Variants in INTS10 observed in about 807,000 individuals in gnomAD.
INTS10 encodes the protein chromosome 8 open reading frame 35.
A neutral mutation model predicts 94.4 loss-of-function variants in INTS10; 44 were observed. The ratio of observed to expected loss-of-function variants is 0.47; its 90% confidence interval spans 0.37 to 0.60. The LOEUF is 0.60. INTS10 is among the 20% of genes least tolerant of loss of function. The pLI, the probability that INTS10 is intolerant of heterozygous loss-of-function variation, is 0.00. For missense variants in INTS10, 797 were observed against 868.7 expected (o/e 0.92, Z 1.04); for synonymous variants, 341 against 320.7 (o/e 1.06, Z -0.68).
At position 19,818,329 on chromosome 8, in the gene INTS10, C is replaced by T; in HGVS notation, c.184C>T (p.Leu62=). The change falls in exon 2 of 17, where the codon CTG becomes TTG. Residue 62 remains leucine, a synonymous_variant. Coordinates refer to ENST00000397977, the MANE Select transcript of INTS10 (RefSeq NM_018142.4). ...NAERTATAGR[L]LYDMFVNFPD... is the part of the protein sequence containing the mutation. ...AGAGCGGACCGCCACCGCCGGGAGG[C>T]TGCTGTACGACATGTGAGTGGGACG... The T allele has an allele frequency of 1.9e-6, 3 of 1,614,164 alleles. No homozygotes were observed. Among genetic ancestry groups the T allele is most frequent in the Non-Finnish European group, 2.5e-6 (3 of 1,180,008 alleles).
At chr8:19,826,204 C>T (rs918440188) in intron 8 of INTS10, among the ~76,000 whole-genome samples, 24 of 152,152 alleles carry the variant, frequency 1.6e-4, no homozygotes, top group Non-Finnish European at 2.9e-4. Flanking sequence ...CTCAGCCTCC[C>T]GAGTAGCCGG....
At chr8:19,831,036 A>G (rs1347636058) in intron 10 of INTS10, among the ~76,000 whole-genome samples, 1 of 152,174 alleles carries the variant, frequency 6.6e-6, no homozygotes, top group Non-Finnish European at 1.5e-5. Flanking sequence ...AAACTATAGG[A>G]AGCCTATTTT....
In INTS10 at chr8:19,838,965, G is replaced by A. The variant is rs547532367; in HGVS notation, c.1639+1805G>A. Reference sequence around the variant, plus strand: ...CAGGCACCTGTAATCCCAGCTACTCGGGAGGCTGAGGCAGGGGAATCGCTT... The same window carrying A: ...CAGGCACCTGTAATCCCAGCTACTCAGGAGGCTGAGGCAGGGGAATCGCTT... On this transcript the variant is annotated intron_variant, in intron 13 of 16. Transcript: ENST00000397977. Among the ~76,000 whole-genome samples the A allele has an allele frequency of 5.5e-4, 84 of 152,150 alleles. 2 individuals are homozygous for A. Among genetic ancestry groups the A allele is most frequent in the African/African-American group, 2.2e-4 (9 of 41,512 alleles).
chr8:19,832,405 C>T (rs1417520939), intron 11 of INTS10, among the ~76,000 whole-genome samples: 1 of 152,124 alleles, frequency 6.6e-6, no homozygotes, highest in Non-Finnish European at 1.5e-5. Context: ...GACCCTGTCT[C>T]TACAAAATAA....
At chr8:19,837,251 G>T (rs2067736255) in intron 13 of INTS10, 91 bp downstream of exon 13, 1 of 816,986 alleles carries the variant, frequency 1.2e-6, no homozygotes. Flanking sequence ...CTACTCGGAA[G>T]TCGAGGCGGG....
At chr8:19,818,609 A>C in intron 2 of INTS10, 1 of 475,452 alleles carries the variant, frequency 2.1e-6, no homozygotes, top group Non-Finnish European at 3.8e-6. Context: ...CATTACAAAA[A>C]TTCAAACACT....
chr8:19,831,883 C>G, intron 10 of INTS10, 145 bp from the exon 11 acceptor site: 2 of 629,690 alleles, frequency 3.2e-6, no homozygotes, highest in South Asian at 1.8e-5. Flanking sequence ...ACTTGAAATT[C>G]TAGAGCAGTG....
chr8:19,848,816 A>G (rs939576505), intron 16 of INTS10: 1 of 161,542 alleles, frequency 6.2e-6, no homozygotes, highest in East Asian at 1.8e-4. Flanking sequence ...GGCTTTGAAA[A>G]TGTGTCTTCT....
chr8:19,842,923 T>G lies in INTS10; in HGVS notation c.1715T>G (p.Phe572Cys), dbSNP rs1219640861. ...TGCCTCCATTTAATGTTAGCCTGTT[T>G]TAAGGTAAGCTTAAAGTTGATTAGC... is the stretch of plus-strand genomic sequence containing the variant. ...PYCLHLMLAC[F>C]KLRAFTDNRD... Residue 572 changes from phenylalanine to cysteine, a missense_variant, in exon 14 of 17, where the codon TTT becomes TGT. Coordinates refer to ENST00000397977, the MANE Select transcript of INTS10 (RefSeq NM_018142.4). 5 of 1,601,108 alleles carry G rather than the reference T, an allele frequency of 3.1e-6. No individual in the cohort carries two copies. In the South Asian group the frequency reaches 5.5e-5, roughly 18 times the overall value.
chr8:19,834,922 C>T (rs1008095050), intron 12 of INTS10, among the ~76,000 whole-genome samples: 4 of 152,092 alleles, frequency 2.6e-5, no homozygotes, highest in Non-Finnish European at 5.9e-5. Flanking sequence ...GACAAGAGAG[C>T]ACTGTAGAGT....
intron 13 of INTS10, 171 bp downstream of exon 13, chr8:19,837,331 A>T (rs1479146669): frequency 3.5e-6 from 2 of 579,482 alleles, no homozygotes; most frequent in African/African-American, 1.9e-5. Flanking sequence ...CTCTTAAAAA[A>T]TTTTAAAAAG....
At chr8:19,826,660 G>C in intron 9 of INTS10, 101 bp downstream of exon 9, 1 of 1,113,062 alleles carries the variant, frequency 9.0e-7, no homozygotes, top group Non-Finnish European at 1.3e-6. Context: ...ATAAAGCCTG[G>C]GTTTTAAAAT....
intron 11 of INTS10, 37 bp from the exon 12 acceptor site, chr8:19,833,131 CG>C (rs2067370090): frequency 6.8e-7 from 1 of 1,478,144 alleles, no homozygotes; most frequent in African/African-American, 1.4e-5. Flanking sequence ...TTTTTAACAG[CG>C]ATGCTTTTCC....
rs187279367 is a variant in INTS10, at chr8:19,827,952, C to A, written c.1140+1393C>A. Among the ~76,000 whole-genome samples, 454 of 152,178 alleles carry A rather than the reference C, an allele frequency of 3.0e-3. 6 individuals are homozygous for A. The highest frequency in any genetic ancestry group is 0.01 in the African/African-American group (431 of 41,524). Reference sequence around the variant, plus strand: ...CCAGGCTGGGTGCAGTGGCTCATGCCTGTAATCCCAGCACTTTGGGGGCCA... The same window carrying A: ...CCAGGCTGGGTGCAGTGGCTCATGCATGTAATCCCAGCACTTTGGGGGCCA... On this transcript the variant is annotated intron_variant, in intron 9 of 16. Coordinates refer to ENST00000397977, the MANE Select transcript of INTS10 (RefSeq NM_018142.4).
chr8:19,827,982 A>G (rs746419639), intron 9 of INTS10, among the ~76,000 whole-genome samples: 4 of 152,070 alleles, frequency 2.6e-5, no homozygotes, highest in Non-Finnish European at 5.9e-5. Context: ...GGGCCAAAAG[A>G]GGAGGATCAC....
Position 19,851,646 on chromosome 8 carries a change from C to A in INTS10, c.1977-3C>A. 10 of 1,614,154 alleles carry A rather than the reference C, an allele frequency of 6.2e-6. No individual in the cohort carries two copies. Among genetic ancestry groups the A allele is most frequent in the Non-Finnish European group, 8.5e-6 (10 of 1,179,990 alleles). ...TTGTCTGTTTCCCTATTGCTGACCT[C>A]AGGCACCACACTGTAACTCGAGGCA... On this transcript the variant is annotated splice_polypyrimidine_tract_variant and splice_region_variant and intron_variant, in intron 16 of 16. Transcript: ENST00000397977. This position sits in a 1 kb window ranked among gnomAD's most constrained non-coding sequence, Gnocchi z 5.0.
intron 3 of INTS10, 102 bp from the exon 4 acceptor site, chr8:19,820,277 T>C (rs998864770): frequency 5.4e-5 from 59 of 1,082,820 alleles, no homozygotes; most frequent in Non-Finnish European, 7.5e-5. Flanking sequence ...ATTTCACATG[T>C]AGTGTTTACT....
At chr8:19,844,686 A>C (rs961765487) in intron 15 of INTS10, among the ~76,000 whole-genome samples, 8 of 152,160 alleles carry the variant, frequency 5.3e-5, no homozygotes, top group African/African-American at 1.9e-4. Context: ...ACCAATGAGT[A>C]CCCACCAGAG....
intron 1 of INTS10, 129 bp from the exon 2 acceptor site, chr8:19,818,146 G>T (rs745457263): frequency 1.9e-4 from 161 of 867,720 alleles, no homozygotes; most frequent in Non-Finnish European, 2.8e-4. Flanking sequence ...TGTATGTGGC[G>T]CTGTGTCACC....
Sources: allele counts gnomAD v4.1 joint callset (sites outside exome capture counted in the v4.1 genomes callset), GRCh38; gene constraint gnomAD v4.1.1; non-coding constraint Gnocchi (gnomAD v3.1); transcripts MANE v1.5; gene names NCBI Gene and HGNC (gene_info 2026-07-23, HGNC 2026-07-21).